AOPEP: variants seen among roughly 807,000 people sequenced by gnomAD.
The protein encoded by AOPEP is aminopeptidase O.
A neutral mutation model predicts 98.1 loss-of-function variants in AOPEP; 77 were observed. That is an observed-to-expected ratio of 0.78 (90% CI 0.65 to 0.95). AOPEP has a LOEUF of 0.95. AOPEP is among the 40% of genes least tolerant of loss of function. The pLI is 0.00. For missense variants in AOPEP, 1,024 were observed against 1,024.7 expected, an observed-to-expected ratio of 1.00 and a Z score of 0.01; for synonymous variants, 346 against 365.3, an observed-to-expected ratio of 0.95 and a Z score of 0.60.
At chr9:94,923,533 C>T (rs1163800746) in intron 5 of AOPEP, among the ~76,000 whole-genome samples, 1 of 152,158 alleles carries the variant, frequency 6.6e-6, no homozygotes, top group African/African-American at 2.4e-5. Flanking sequence ...TTCTTCTTGG[C>T]TTTTTCTGTC....
At chr9:95,010,527 A>G (rs956150511) in intron 13 of AOPEP, among the ~76,000 whole-genome samples, 1 of 152,230 alleles carries the variant, frequency 6.6e-6, no homozygotes, top group African/African-American at 2.4e-5. Context: ...CTGAGGCAAC[A>G]TTGCAGTTGA....
At chr9:94,787,353 C>T (rs356137) in intron 3 of AOPEP, among the ~76,000 whole-genome samples, 33,253 of 152,108 alleles carry the variant, frequency 0.22, 5,116 homozygotes, top group African/African-American at 0.43. Context: ...GGGCGCTCTA[C>T]GTGGATTTCT....
chr9:94,818,069 G>A (rs759203538), intron 5 of AOPEP, among the ~76,000 whole-genome samples: 15 of 152,074 alleles, frequency 9.9e-5, no homozygotes, highest in Admixed American at 3.3e-4. Flanking sequence ...TCTGCTTGTC[G>A]CCCAAGATGA....
rs2067250873 is a variant in AOPEP at position 95,060,740 on chromosome 9, A to G, written c.2162A>G (p.Gln721Arg). 1.9e-6 allele frequency: 3 copies of G among 1,614,072 alleles called. No homozygotes were observed. Among genetic ancestry groups the G allele is most frequent in the Admixed American group, 1.7e-5 (1 of 60,010 alleles). ...LVLLLEHLLE[Q>R]KTLSPRTLQS... ...TTGCTTCTGGAGCATCTCTTGGAGC[A>G]GAAGACTCTGAGCCCCCGAACTCTG... The change falls in exon 14 of 17, where the codon CAG becomes CGG. Residue 721 changes from glutamine to arginine, a missense_variant. By Grantham distance (43) the Gln-to-Arg change is conservative. This residue lies in a region of AOPEP where 566 missense variants were observed against 551.7 expected (regional missense o/e 1.03). Coordinates refer to ENST00000375315, the MANE Select transcript of AOPEP (RefSeq NM_001193329.3).
intron 5 of AOPEP, among the ~76,000 whole-genome samples, chr9:94,825,778 G>A (rs1396919950): frequency 6.6e-6 from 1 of 152,176 alleles, no homozygotes; most frequent in South Asian, 2.1e-4. Context: ...TAAAGTTAAG[G>A]TTGTTTCAGC....
chr9:94,961,013 C>CAAAAAAAA (rs71496990), intron 9 of AOPEP, among the ~76,000 whole-genome samples: 1 of 118,728 alleles, frequency 8.4e-6, no homozygotes, highest in African/African-American at 3.1e-5. Flanking sequence ...GAATCTGTCT[C>CAAAAAAAA]AAAAAAAAAA....
At chr9:94,985,905 C>T (rs1000246087) in intron 11 of AOPEP, among the ~76,000 whole-genome samples, 1 of 152,232 alleles carries the variant, frequency 6.6e-6, no homozygotes, top group African/African-American at 2.4e-5. Flanking sequence ...TGGCCCCCTC[C>T]ATAGGCTCTT....
intron 13 of AOPEP, among the ~76,000 whole-genome samples, chr9:95,037,327 T>G (rs990107599): frequency 4.6e-5 from 7 of 152,186 alleles, no homozygotes; most frequent in Non-Finnish European, 8.8e-5. Flanking sequence ...GAAAACTGAT[T>G]AGTGTTCATT....
At chr9:95,018,838 C>T (rs1335092334) in intron 13 of AOPEP, 1 of 152,190 alleles carries the variant, frequency 6.6e-6, no homozygotes, top group Non-Finnish European at 1.5e-5. Flanking sequence ...TCGTCAGAGC[C>T]TTGTGGGAGT....
At chr9:95,030,653 A>C (rs1650344976) in intron 13 of AOPEP, among the ~76,000 whole-genome samples, 1 of 152,312 alleles carries the variant, frequency 6.6e-6, no homozygotes, top group Admixed American at 6.5e-5. Context: ...AACTGGCAGC[A>C]GCCATCCTTC....
intron 1 of AOPEP, among the ~76,000 whole-genome samples, chr9:94,729,228 A>T (rs1829957388): frequency 6.6e-6 from 1 of 152,192 alleles, no homozygotes; most frequent in African/African-American, 2.4e-5. Context: ...AAGAGACTTG[A>T]GGTTAAAATG....
chr9:94,782,813 T>A (rs1458516621), intron 3 of AOPEP, among the ~76,000 whole-genome samples: 1 of 152,238 alleles, frequency 6.6e-6, no homozygotes, highest in African/African-American at 2.4e-5. Flanking sequence ...CAGTAATTTC[T>A]AAATCTGTGT....
At chr9:94,897,514 A>G (rs1181665680) in intron 5 of AOPEP, among the ~76,000 whole-genome samples, 6 of 152,196 alleles carry the variant, frequency 3.9e-5, no homozygotes, top group Admixed American at 3.3e-4. Context: ...GAAACTTTTT[A>G]GAGTCAGAAA....
At chr9:95,058,839 G>A (rs2067063976) in intron 13 of AOPEP, among the ~76,000 whole-genome samples, 1 of 152,226 alleles carries the variant, frequency 6.6e-6, no homozygotes, top group African/African-American at 2.4e-5. Context: ...GAGGCCATGG[G>A]TTGAAGGCCC....
At chr9:95,049,484 G>A (rs2066149375) in intron 13 of AOPEP, among the ~76,000 whole-genome samples, 1 of 152,168 alleles carries the variant, frequency 6.6e-6, no homozygotes, top group Admixed American at 6.5e-5. Context: ...GGGACGGAAA[G>A]TATGGTTTTC....
intron 5 of AOPEP, among the ~76,000 whole-genome samples, chr9:94,842,688 A>G (rs2042413327): frequency 6.6e-6 from 1 of 152,186 alleles, no homozygotes; most frequent in South Asian, 2.1e-4. Flanking sequence ...CCTTTTATTT[A>G]AAGAATTTTC....
chr9:94,809,072 G>C (rs1233299734), intron 5 of AOPEP, among the ~76,000 whole-genome samples: 1 of 152,190 alleles, frequency 6.6e-6, no homozygotes, highest in African/African-American at 2.4e-5. Context: ...ACGGACAGGT[G>C]TGATGAATGC....
chr9:94,861,931 T>C (rs1329753719), intron 5 of AOPEP, among the ~76,000 whole-genome samples: 1 of 152,022 alleles, frequency 6.6e-6, no homozygotes, highest in Non-Finnish European at 1.5e-5. Flanking sequence ...GTCCTCAGAG[T>C]TGTTTGTTGT....
chr9:94,755,242 A>C (rs1283516301), intron 1 of AOPEP, among the ~76,000 whole-genome samples: 1 of 152,184 alleles, frequency 6.6e-6, no homozygotes, highest in Non-Finnish European at 1.5e-5. Context: ...TTTGAATTGG[A>C]GCACAGTAAT....
Sources: gnomAD v4.1 joint callset for allele counts (sites outside exome capture counted in the v4.1 genomes callset) on GRCh38, gnomAD v4.1.1 for gene constraint, gnomAD v4.1.1 regional missense constraint, MANE v1.5 for transcripts, NCBI Gene and HGNC (gene_info 2026-07-23, HGNC 2026-07-21) for gene names.